The following GPC5 variants were observed in gnomAD, a reference collection of about 807,000 sequenced individuals.
The protein encoded by GPC5 is glypican 5, also known as glypican-5.
In GPC5, 47 loss-of-function variants were observed where a neutral mutation model predicts 53.9. The ratio of observed to expected loss-of-function variants is 0.87; its 90% CI spans 0.69 to 1.11. The LOEUF (loss-of-function observed/expected upper bound fraction) is 1.11, where lower values mean the gene tolerates loss of function less well. Ranked by LOEUF, GPC5 falls within the 50% of genes most tolerant of loss-of-function variation. The probability of loss-of-function intolerance (pLI) is 0.00; values close to 1 mark genes in which losing one functional copy is unlikely to be tolerated. For synonymous variants in GPC5, 286 were observed against 263.3 expected, an observed-to-expected ratio of 1.09 and a Z score of -0.84; for missense variants, 748 against 713.1, an observed-to-expected ratio of 1.05 and a Z score of -0.56.
chr13:92,130,417 T>C (rs899063355), intron 6 of GPC5, among the ~76,000 whole-genome samples: 1 of 151,298 alleles, frequency 6.6e-6, no homozygotes, highest in Non-Finnish European at 1.5e-5. Context: ...TTATAGAAAC[T>C]ATATGATTAA....
intron 6 of GPC5, among the ~76,000 whole-genome samples, chr13:91,910,534 T>C (rs2039600137): frequency 6.6e-6 from 1 of 152,132 alleles, no homozygotes; most frequent in Non-Finnish European, 1.5e-5. Context: ...TCTCTCACCA[T>C]AGGGACGTAC....
At chr13:91,718,048 T>G (rs951597938) in intron 3 of GPC5, among the ~76,000 whole-genome samples, 6 of 152,204 alleles carry the variant, frequency 3.9e-5, no homozygotes, top group Non-Finnish European at 8.8e-5. Flanking sequence ...TGGTCAAATT[T>G]TGATTTTACA....
In GPC5 at chr13:91,591,651, G is replaced by C. The variant is rs541030416; in HGVS notation, c.326-101536G>C. On this transcript the variant is annotated intron_variant, in intron 2 of 7. Coordinates refer to ENST00000377067, the MANE Select transcript of GPC5 (RefSeq NM_004466.6). ...TCATTTTTTAAAATTCCTTTTTTCT[G>C]TATTTTTGTCTGAGTGTTGATTCAA... 2.6e-5 allele frequency among the ~76,000 whole-genome samples: 4 copies of C among 152,112 alleles called. No individual in the cohort carries two copies. The East Asian group carries it at 7.7e-4, about 29-fold the overall frequency.
At chr13:92,822,558 C>T (rs1453425340) in intron 7 of GPC5, among the ~76,000 whole-genome samples, 4 of 152,096 alleles carry the variant, frequency 2.6e-5, no homozygotes, top group African/African-American at 9.7e-5. Context: ...GAACAGGGAG[C>T]TTGACAGAAA....
intron 6 of GPC5, among the ~76,000 whole-genome samples, chr13:92,115,839 G>A (rs538407620): frequency 6.6e-6 from 1 of 151,914 alleles, no homozygotes; most frequent in South Asian, 2.1e-4. Flanking sequence ...CTATGTTGAA[G>A]TCCTAAATTC....
chr13:92,682,824 A>T (rs1157189560), intron 7 of GPC5, among the ~76,000 whole-genome samples: 1 of 152,216 alleles, frequency 6.6e-6, no homozygotes, highest in Admixed American at 6.5e-5. Context: ...TTAATTATAC[A>T]TGAAATATAA....
intron 7 of GPC5, among the ~76,000 whole-genome samples, chr13:92,604,271 T>A: frequency 6.6e-6 from 1 of 152,176 alleles, no homozygotes; most frequent in Non-Finnish European, 1.5e-5. Flanking sequence ...TTGAAATGTA[T>A]TTAGGGATTT....
intron 7 of GPC5, among the ~76,000 whole-genome samples, chr13:92,671,856 T>C (rs1483778650): frequency 6.6e-6 from 1 of 152,174 alleles, no homozygotes; most frequent in African/African-American, 2.4e-5. Flanking sequence ...ATAAATAAAC[T>C]GTTCTGTGTG....
chr13:92,456,097 A>G (rs1049202105), intron 7 of GPC5, among the ~76,000 whole-genome samples: 1 of 152,220 alleles, frequency 6.6e-6, no homozygotes, highest in Non-Finnish European at 1.5e-5. Flanking sequence ...ATTTTACACT[A>G]TGTAACTACT....
chr13:92,103,634 A>G (rs1472313407), intron 6 of GPC5, among the ~76,000 whole-genome samples: 1 of 152,026 alleles, frequency 6.6e-6, no homozygotes, highest in Non-Finnish European at 1.5e-5. Flanking sequence ...TTACTGTGAA[A>G]CCTCTTTATC....
chr13:92,042,363 A>G (rs951314221), intron 6 of GPC5, among the ~76,000 whole-genome samples: 1 of 152,128 alleles, frequency 6.6e-6, no homozygotes, highest in Non-Finnish European at 1.5e-5. Context: ...CCTCCAAGAC[A>G]TACATCCAAC....
At chr13:92,564,631 A>C (rs1415608769) in intron 7 of GPC5, among the ~76,000 whole-genome samples, 2 of 152,126 alleles carry the variant, frequency 1.3e-5, no homozygotes, top group African/African-American at 4.8e-5. Context: ...CCAGGTAGTG[A>C]GCAGAGTACC....
chr13:91,418,034 T>A (rs1380584163), intron 1 of GPC5, among the ~76,000 whole-genome samples: 2 of 152,148 alleles, frequency 1.3e-5, no homozygotes, highest in Non-Finnish European at 1.5e-5. Flanking sequence ...TGATCTCTCT[T>A]ACCTTCCAAC....
At chr13:92,822,822 A>G (rs1877718954) in intron 7 of GPC5, among the ~76,000 whole-genome samples, 1 of 152,190 alleles carries the variant, frequency 6.6e-6, no homozygotes, top group South Asian at 2.1e-4. Context: ...TTTTGAAAGC[A>G]ATGTAAAACT....
chr13:92,670,014 C>T (rs1456805877), intron 7 of GPC5, among the ~76,000 whole-genome samples: 1 of 152,172 alleles, frequency 6.6e-6, no homozygotes, highest in Non-Finnish European at 1.5e-5. Flanking sequence ...TAGTCCCTCT[C>T]CTCTTAACAT....
At chr13:92,158,950 C>A (rs952456279) in intron 7 of GPC5, among the ~76,000 whole-genome samples, 2 of 152,084 alleles carry the variant, frequency 1.3e-5, no homozygotes, top group African/African-American at 4.8e-5. Flanking sequence ...TGCTTTTGAC[C>A]AAACTAAACT....
At chr13:92,527,211 A>AAG (rs1317090570) in intron 7 of GPC5, among the ~76,000 whole-genome samples, 1 of 34,078 alleles carries the variant, frequency 2.9e-5, no homozygotes, top group Admixed American at 3.9e-4. Context: ...GAAAGAAAGA[A>AAG]AGAAAGAAAG....
At chr13:91,849,050 T>C (rs1200384398) in intron 5 of GPC5, among the ~76,000 whole-genome samples, 2 of 152,184 alleles carry the variant, frequency 1.3e-5, no homozygotes, top group Admixed American at 6.5e-5. Context: ...TAGTTTTGGC[T>C]TATTGAAAGG....
rs148036455 is a variant in GPC5, at chr13:92,199,842, G to A, written c.1561+54853G>A. On this transcript the variant is annotated intron_variant, in intron 7 of 7. Coordinates refer to ENST00000377067, the MANE Select transcript of GPC5 (RefSeq NM_004466.6). The stretch of plus-strand genomic sequence containing the variant: ...CAATTTTTTTTAAAAAAAGCCACAA[G>A]AAATCCCTCTAGACTGCTGTATATA... Among the ~76,000 whole-genome samples, 495 of 152,136 alleles carry A rather than the reference G, an allele frequency of 3.3e-3. 1 individual carries two copies. Among genetic ancestry groups the A allele is most frequent in the African/African-American group, 0.011 (468 of 41,504 alleles).
Sources: gnomAD v4.1 joint callset for allele counts (sites outside exome capture counted in the v4.1 genomes callset) on GRCh38, gnomAD v4.1.1 for gene constraint, MANE v1.5 for transcripts, NCBI Gene and HGNC (gene_info 2026-07-23, HGNC 2026-07-21) for gene names.